The following C5orf58 variants were observed in gnomAD, a reference collection of about 807,000 sequenced individuals.
The protein encoded by C5orf58 is putative uncharacterized protein C5orf58.
Under a neutral mutation model 2.9 loss-of-function variants are expected in C5orf58, and 2 were observed. The ratio of observed to expected loss-of-function variants is 0.69; its 90% CI spans 0.28 to 2.18. The LOEUF (loss-of-function observed/expected upper bound fraction) is 2.18, where lower values mean the gene tolerates loss of function less well. Among genes scored for constraint, C5orf58 ranks in the 30% most tolerant of loss-of-function variants. The pLI is 0.13. For missense variants in C5orf58, 96 were observed against 91.7 expected (o/e 1.05, Z -0.19); for synonymous variants, 37 against 33.4 (o/e 1.11, Z -0.37).
intron 3 of C5orf58, among the ~76,000 whole-genome samples, chr5:170,239,457 C>T (rs1192758737): frequency 1.3e-5 from 2 of 149,972 alleles, no homozygotes; most frequent in Non-Finnish European, 3.0e-5. Context: ...ACCACCCCAC[C>T]ACTCCCCACA....
At chr5:170,236,919 A>G (rs896211215) in intron 3 of C5orf58, among the ~76,000 whole-genome samples, 2 of 152,286 alleles carry the variant, frequency 1.3e-5, no homozygotes, top group Non-Finnish European at 2.9e-5. Flanking sequence ...GCTCAACTGT[A>G]AGCTCCTTAT....
downstream of C5orf58, among the ~76,000 whole-genome samples, chr5:170,250,055 T>G (rs1428005232): frequency 6.6e-6 from 1 of 152,246 alleles, no homozygotes; most frequent in Non-Finnish European, 1.5e-5. Flanking sequence ...GCAGAAGTTA[T>G]GGGTAAGCTG....
In C5orf58 at chr5:170,234,174, G is replaced by C. The variant is rs771818823; in HGVS notation, c.-25G>C. 1 of 1,367,460 alleles carries C rather than the reference G, an allele frequency of 7.3e-7. No homozygotes were observed. The highest frequency in any genetic ancestry group is 9.8e-7 in the Non-Finnish European group (1 of 1,021,766). The allele number at this position is 1,367,460 out of a possible 1,614,324, so 84.7% of individuals were successfully genotyped here. On this transcript the variant is annotated 5_prime_UTR_variant, in exon 2 of 4. Transcript: ENST00000593851. ...CAGAAATTCTCCCTGCTCAGGAAAA[G>C]GTAGAGGCAAGGATTGACTTAAAGG...
At chr5:170,234,037 G>A in intron 1 of C5orf58, 78 bp from the exon 2 acceptor site, 1 of 782,754 alleles carries the variant, frequency 1.3e-6, no homozygotes, top group Non-Finnish European at 1.9e-6. Flanking sequence ...CCCAAGGAAG[G>A]CAGCTGACAT....
At chr5:170,234,904 G>A in intron 2 of C5orf58, 73 bp from the exon 3 acceptor site, 1 of 609,054 alleles carries the variant, frequency 1.6e-6, no homozygotes, top group South Asian at 2.4e-5. Flanking sequence ...TAGAAATACT[G>A]AAAATGTAAG....
chr5:170,238,401 A>G (rs778510634), intron 3 of C5orf58, among the ~76,000 whole-genome samples: 1 of 152,188 alleles, frequency 6.6e-6, no homozygotes, highest in Non-Finnish European at 1.5e-5. Context: ...AAATTCCTCT[A>G]GAGTGTAAAC....
downstream of C5orf58, chr5:170,250,647 G>T: frequency 1.9e-6 from 2 of 1,073,480 alleles, no homozygotes; most frequent in South Asian, 2.5e-5. Flanking sequence ...ATACAGCACG[G>T]ACTCTCAAAG....
chr5:170,241,685 G>A (rs1183414477), intron 3 of C5orf58, among the ~76,000 whole-genome samples: 129 of 147,672 alleles, frequency 8.7e-4, no homozygotes, highest in Non-Finnish European at 1.2e-3. Context: ...GGGCTGAGAC[G>A]ATGGGGTTTT....
chr5:170,234,970 AAATCAGATGGGTAAG>A lies in C5orf58; in HGVS notation c.1-4_11del, dbSNP rs766098383. 3 of 1,383,430 alleles carry A rather than the reference AAATCAGATGGGTAAG, an allele frequency of 2.2e-6. No homozygotes were observed. The Admixed American group carries it at 6.4e-5, about 30-fold the overall frequency. 85.7% of individuals were successfully genotyped at this position (1,383,430 alleles called of 1,614,324 possible). On this transcript the variant is annotated splice_acceptor_variant and splice_polypyrimidine_tract_variant and coding_sequence_variant and 5_prime_UTR_variant and intron_variant, in exon 3 of 4. Coordinates refer to ENST00000593851, the MANE Select transcript of C5orf58 (RefSeq NM_001102609.3). LOFTEE classifies it high-confidence loss of function. ...ATACATTGTTTCTGTTTTTCTTTTAAAATCAGATGGGTAAGAAGCGTGTTACTGATCATAAGCTAA... is the reference window on the plus strand; with the variant it reads ...ATACATTGTTTCTGTTTTTCTTTTAAAAGCGTGTTACTGATCATAAGCTAA...
chr5:170,239,398 G>GAA (rs11446646), intron 3 of C5orf58, among the ~76,000 whole-genome samples: 48,603 of 143,016 alleles, frequency 0.34, 9,622 homozygotes, highest in South Asian at 0.45. Context: ...ACTGAAAATT[G>GAA]AAAAAAAAAA....
At chr5:170,245,326 GT>G (rs959991455) in intron 3 of C5orf58, among the ~76,000 whole-genome samples, 1 of 152,210 alleles carries the variant, frequency 6.6e-6, no homozygotes, top group Non-Finnish European at 1.5e-5. Flanking sequence ...CAGCTGCTTT[GT>G]TTACCTAATC....
Position 170,234,171 on chromosome 5 carries a change from AAAG to A in C5orf58, c.-27_-25del. The stretch of plus-strand genomic sequence containing the variant: ...TTGCAGAAATTCTCCCTGCTCAGGA[AAAG>A]GTAGAGGCAAGGATTGACTTAAAGG... On this transcript the variant is annotated 5_prime_UTR_variant, in exon 2 of 4. Coordinates refer to ENST00000593851, the MANE Select transcript of C5orf58 (RefSeq NM_001102609.3). 7.3e-7 allele frequency: 1 copy of A among 1,367,636 alleles called. No individual in the cohort carries two copies. The highest frequency in any genetic ancestry group is 9.8e-7 in the Non-Finnish European group (1 of 1,021,792). 84.7% of individuals were successfully genotyped at this position (1,367,636 alleles called of 1,614,324 possible).
downstream of C5orf58, chr5:170,248,592 G>A (rs920780584): frequency 8.4e-7 from 1 of 1,183,660 alleles, no homozygotes; most frequent in African/African-American, 1.6e-5. Context: ...TGTTCATGGG[G>A]AGGGGTTCAG....
chr5:170,242,855 T>A (rs1354749982), intron 3 of C5orf58, among the ~76,000 whole-genome samples: 2 of 151,148 alleles, frequency 1.3e-5, no homozygotes, highest in Non-Finnish European at 3.0e-5. Context: ...TTCTAGTTCT[T>A]TTAATTGTGA....
intron 2 of C5orf58, among the ~76,000 whole-genome samples, chr5:170,234,513 T>C (rs562488983): frequency 6.6e-6 from 1 of 152,360 alleles, no homozygotes; most frequent in Admixed American, 6.5e-5. Flanking sequence ...TATAATTGAA[T>C]TATCCTCTTA....
chr5:170,241,257 G>A (rs1171398093), intron 3 of C5orf58, among the ~76,000 whole-genome samples: 1 of 151,886 alleles, frequency 6.6e-6, no homozygotes, highest in Non-Finnish European at 1.5e-5. Flanking sequence ...TTGGTGATGC[G>A]GGCTCTTTTT....
chr5:170,233,503 C>T (rs1354044215), intron 1 of C5orf58: 1 of 152,770 alleles, frequency 6.5e-6, no homozygotes, highest in Non-Finnish European at 1.5e-5. Flanking sequence ...GCTGGGCTTT[C>T]AGAGTAGAAC....
chr5:170,249,797 C>G (rs1442077929), downstream of C5orf58, among the ~76,000 whole-genome samples: 1 of 152,192 alleles, frequency 6.6e-6, no homozygotes. Context: ...CCTAGGAACC[C>G]TAACAGGATA....
chr5:170,251,555 T>C (rs1761443194), intron 2 of C5orf58: 1 of 444,970 alleles, frequency 2.2e-6, no homozygotes, highest in South Asian at 1.6e-5. Flanking sequence ...AGGACTCCTT[T>C]AAACTACTCC....
Sources: gnomAD v4.1 joint callset for allele counts (sites outside exome capture counted in the v4.1 genomes callset) on GRCh38, gnomAD v4.1.1 for gene constraint, MANE v1.5 for transcripts, NCBI Gene and HGNC (gene_info 2026-07-23, HGNC 2026-07-21) for gene names.